Variants in ACLY observed in about 807,000 individuals in gnomAD.
ACLY encodes the protein ATP citrate lyase, also known as ATP-citrate synthase.
In ACLY, 41 loss-of-function variants were observed where a neutral mutation model predicts 133.0. The ratio of observed to expected loss-of-function variants is 0.31; its 90% CI spans 0.24 to 0.40. The LOEUF (loss-of-function observed/expected upper bound fraction) is 0.40, where lower values mean the gene tolerates loss of function less well. Among genes scored for constraint, ACLY ranks in the 10% least tolerant of loss-of-function variants. The probability of loss-of-function intolerance (pLI) is 1.00; values close to 1 mark genes in which losing one functional copy is unlikely to be tolerated. For missense variants in ACLY, 1,046 were observed against 1,453.8 expected (o/e 0.72, Z 4.56); for synonymous variants, 495 against 549.3 (o/e 0.90, Z 1.38).
rs532453858 is a variant in ACLY at position 41,892,392 on chromosome 17, A to T, written c.1657T>A (p.Phe553Ile). ...CTCATGGCATCAGCCATGTTCTTGA[A>T]GACAGGGATCAGGATCTCTTTGTGC... ...WGHKEILIPV[F>I]KNMADAMRKH... Residue 553 changes from phenylalanine to isoleucine, a missense_variant, in exon 16 of 29, where the codon TTC becomes ATC. This residue lies in a region of ACLY where 575 missense variants were observed against 804.2 expected (regional missense o/e 0.71). Transcript: ENST00000352035. The T allele has an allele frequency of 5.6e-6, 9 of 1,613,886 alleles. No homozygotes were observed. Among genetic ancestry groups the T allele is most frequent in the Non-Finnish European group, 7.6e-6 (9 of 1,179,956 alleles).
In ACLY at chr17:41,898,767, G is replaced by C. The variant is rs2049442560; in HGVS notation, c.1202C>G (p.Pro401Arg). The C allele has an allele frequency of 6.2e-7, 1 of 1,613,958 alleles. No individual in the cohort carries two copies. The highest frequency in any genetic ancestry group is 1.7e-5 in the Admixed American group (1 of 60,006). The change falls in exon 12 of 29, where the codon CCC becomes CGC. Residue 401 changes from proline to arginine, a missense_variant. Transcript: ENST00000352035. ...AGTCTCTGTGCCAAAGACATGGATG[G>C]GGATCCCAGTGGTCTTCCCTGCAAG... ...MGEVGKTTGI[P>R]IHVFGTETHM...
At position 41,901,626 on chromosome 17, in the gene ACLY, A is replaced by G; in HGVS notation, c.1183+70T>C. On this transcript the variant is annotated intron_variant, in intron 11 of 28. Coordinates refer to ENST00000352035, the MANE Select transcript of ACLY (RefSeq NM_001096.3). ...AAAGAGCCTAAGACTGATGCTCAGG[A>G]ATCAGAAATCCCAAAGAGGAAGGCC... 3 of 1,301,060 alleles carry G rather than the reference A, an allele frequency of 2.3e-6. No homozygotes were observed. The South Asian group carries it at 3.7e-5, about 16-fold the overall frequency. The allele number at this position is 1,301,060 out of a possible 1,614,324, so 80.6% of individuals were successfully genotyped here.
intron 14 of ACLY, among the ~76,000 whole-genome samples, chr17:41,894,218 A>G (rs1226023654): frequency 1.2e-3 from 4 of 3,362 alleles, no homozygotes; most frequent in African/African-American, 1.7e-3. Flanking sequence ...CTCCATCTCA[A>G]AAAAAAAAAA....
At chr17:41,872,365 G>A (rs751017949) in intron 23 of ACLY, among the ~76,000 whole-genome samples, 183 bp from the exon 24 acceptor site, 4 of 152,084 alleles carry the variant, frequency 2.6e-5, no homozygotes, top group Non-Finnish European at 4.4e-5. Flanking sequence ...TCATTCTGTC[G>A]CCTAGGCTGG....
chr17:41,915,342 T>G (rs1363008497), intron 1 of ACLY, among the ~76,000 whole-genome samples: 1 of 152,014 alleles, frequency 6.6e-6, no homozygotes, highest in Non-Finnish European at 1.5e-5. Context: ...TTTAATTTGC[T>G]GGGGGAGAAA....
At chr17:41,911,903 T>C (rs1372271533) in intron 3 of ACLY, among the ~76,000 whole-genome samples, 3 of 151,568 alleles carry the variant, frequency 2.0e-5, no homozygotes, top group Non-Finnish European at 2.9e-5. Flanking sequence ...TTACCTGAGG[T>C]CAGGAGTTCG....
chr17:41,877,885 T>C (rs1185485843), intron 22 of ACLY, among the ~76,000 whole-genome samples: 4 of 152,198 alleles, frequency 2.6e-5, no homozygotes, highest in Non-Finnish European at 4.4e-5. Flanking sequence ...CCTCAGCTTA[T>C]AGACAGCCTA....
chr17:41,898,362 C>G (rs1256711658), intron 12 of ACLY, among the ~76,000 whole-genome samples: 1 of 152,220 alleles, frequency 6.6e-6, no homozygotes, highest in Non-Finnish European at 1.5e-5. Flanking sequence ...ATCCGCCAGC[C>G]TCGGCCTCCC....
In ACLY at chr17:41,886,239, A is replaced by G; in HGVS notation, c.1945T>C (p.Ser649Pro). The G allele has an allele frequency of 6.2e-7, 1 of 1,614,136 alleles. No homozygotes were observed. The highest frequency in any genetic ancestry group is 8.5e-7 in the Non-Finnish European group (1 of 1,179,986). Reference protein sequence around the residue: ...TGGMLDNILASKLYRPGSVAY... With the variant: ...TGGMLDNILAPKLYRPGSVAY... ...ACGCTGCCTGGGCGGTACAGTTTGG[A>G]GGCCAGGATGTTGTCCAGCATCCCA... The change falls in exon 18 of 29, where the codon TCC (serine) becomes CCC (proline). Residue 649 changes from serine (S) to proline (P), a missense_variant. Coordinates refer to ENST00000352035, the MANE Select transcript of ACLY (RefSeq NM_001096.3).
At chr17:41,924,784 A>T (rs774487586) in intron 1 of ACLY, among the ~76,000 whole-genome samples, 10 of 152,130 alleles carry the variant, frequency 6.6e-5, no homozygotes, top group Non-Finnish European at 1.5e-4. Flanking sequence ...GGGATGCAGC[A>T]TCTGTGCTCA....
intron 16 of ACLY, among the ~76,000 whole-genome samples, chr17:41,888,714 G>C (rs986761177): frequency 6.6e-6 from 1 of 152,084 alleles, no homozygotes; most frequent in Non-Finnish European, 1.5e-5. Flanking sequence ...AGGGAGACCC[G>C]GTAGGAGGAT....
chr17:41,887,539 G>A, intron 17 of ACLY, 60 bp downstream of exon 17: 1 of 1,407,036 alleles, frequency 7.1e-7, no homozygotes, highest in South Asian at 1.2e-5. Context: ...AACTTCCTAA[G>A]GGCATTGAAC....
chr17:41,919,049 C>T (rs1555635055), upstream of ACLY: 9 of 1,280,950 alleles, frequency 7.0e-6, no homozygotes, highest in East Asian at 1.7e-4. Flanking sequence ...CGATTGGCCA[C>T]ACGCGTTCCC....
chr17:41,878,473 T>C (rs1555626564), intron 21 of ACLY, among the ~76,000 whole-genome samples: 1 of 152,052 alleles, frequency 6.6e-6, no homozygotes, highest in Non-Finnish European at 1.5e-5. Context: ...GATCACAGGA[T>C]ATCTAATAAC....
Position 41,898,663 on chromosome 17 carries a change from T to C in ACLY, c.1306A>G (p.Asn436Asp). Residue 436 changes from asparagine to aspartate, a missense_variant, in exon 12 of 29, where the codon AAC becomes GAC. By Grantham distance (23) the Asn-to-Asp change is conservative. Coordinates refer to ENST00000352035, the MANE Select transcript of ACLY (RefSeq NM_001096.3). ...NQPPTAAHTANFLLNASGSTS... is the reference protein window; with the variant it reads ...NQPPTAAHTADFLLNASGSTS... Reference sequence around the variant, plus strand: ...CTCCCGCTGGCGTTGAGGAGGAAGTTTGCAGTGTGGGCCGCTGTGGGTGGC... The same window carrying C: ...CTCCCGCTGGCGTTGAGGAGGAAGTCTGCAGTGTGGGCCGCTGTGGGTGGC... The C allele has an allele frequency of 6.2e-7, 1 of 1,613,838 alleles. No individual in the cohort carries two copies. The highest frequency in any genetic ancestry group is 8.5e-7 in the Non-Finnish European group (1 of 1,179,920).
intron 16 of ACLY, among the ~76,000 whole-genome samples, chr17:41,888,239 T>C (rs772594261): frequency 2.0e-5 from 3 of 152,224 alleles, no homozygotes; most frequent in Non-Finnish European, 2.9e-5. Context: ...AAGTGGTGGA[T>C]AGCCGAAACT....
intron 3 of ACLY, among the ~76,000 whole-genome samples, chr17:41,911,048 A>T (rs1179795860): frequency 1.3e-5 from 2 of 152,120 alleles, no homozygotes; most frequent in African/African-American, 4.8e-5. Flanking sequence ...CCCTCCCTCC[A>T]ATCCCACCAT....
chr17:41,893,096 AGCATGCCTTGCACGGCCCGGGTCT>A lies in ACLY; in HGVS notation c.1514_1537del (p.Gln505_Met512del). ...TCGGGAGCAGACATAGTCAAAGTCC[AGCATGCCTTGCACGGCCCGGGTCT>A]GCATGCCCCACACAATGGCCTTGGT... On this transcript the variant is annotated inframe_deletion, in exon 15 of 29. Coordinates refer to ENST00000352035, the MANE Select transcript of ACLY (RefSeq NM_001096.3). 6.2e-7 allele frequency: 1 copy of A among 1,614,170 alleles called. No individual in the cohort carries two copies.
At chr17:41,918,992 G>A, upstream of ACLY, 1 of 1,287,066 alleles carries the variant, frequency 7.8e-7, no homozygotes, top group Middle Eastern at 2.1e-4. Context: ...TCCCGGCCCA[G>A]CCGGACTTTT....
Sources: allele counts gnomAD v4.1 joint callset (sites outside exome capture counted in the v4.1 genomes callset), GRCh38; gene constraint gnomAD v4.1.1; regional missense constraint gnomAD v4.1.1; transcripts MANE v1.5; gene names NCBI Gene and HGNC (gene_info 2026-07-23, HGNC 2026-07-21).